Variants in DOP1B observed in about 807,000 individuals in gnomAD.
DOP1B encodes DOP1 leucine zipper like protein B, also known as protein DOP1B.
In DOP1B, 174 loss-of-function variants were observed where a neutral mutation model predicts 233.5. The ratio of observed to expected loss-of-function variants is 0.75; its 90% CI spans 0.66 to 0.85. The LOEUF (loss-of-function observed/expected upper bound fraction) is 0.85, where lower values mean the gene tolerates loss of function less well. Among genes scored for constraint, DOP1B ranks in the 40% least tolerant of loss-of-function variants. DOP1B has a pLI of 0.00. For synonymous variants in DOP1B, 1,190 were observed against 1,185.6 expected (o/e 1.00, Z -0.08); for missense variants, 2,652 against 2,846.6 (o/e 0.93, Z 1.56).
At chr21:36,226,537 G>A (rs532425890) in intron 12 of DOP1B, among the ~76,000 whole-genome samples, 42 of 152,056 alleles carry the variant, frequency 2.8e-4, no homozygotes, top group African/African-American at 9.9e-4. Flanking sequence ...GACCTCAGGC[G>A]ATCCACCAGC....
At chr21:36,283,417 C>T (rs1015710363) in intron 32 of DOP1B, among the ~76,000 whole-genome samples, 12 of 124,096 alleles carry the variant, frequency 9.7e-5, no homozygotes, top group East Asian at 9.5e-4. Flanking sequence ...GCATTAACAG[C>T]GTTGACTCGT....
Position 36,281,563 on chromosome 21 carries a change from T to G in DOP1B, c.6112T>G (p.Phe2038Val). The G allele has an allele frequency of 6.2e-7, 1 of 1,609,728 alleles. No individual in the cohort carries two copies. The highest frequency in any genetic ancestry group is 8.5e-7 in the Non-Finnish European group (1 of 1,176,332). ...MLLKRQAFAV[F>V]SGELDQYHLY... ...GTTAAAGCGCCAGGCTTTTGCTGTCTTCAGTGGAGAACTTGATCAATACCA... is the reference window on the plus strand; with the variant it reads ...GTTAAAGCGCCAGGCTTTTGCTGTCGTCAGTGGAGAACTTGATCAATACCA... Residue 2038 changes from phenylalanine to valine, a missense_variant, in exon 32 of 37, where the codon TTC becomes GTC. Around this residue, in one of 3 missense-constraint regions of DOP1B, gnomAD observed 2,617 missense variants for 2,794.3 expected, o/e 0.94. Coordinates refer to ENST00000691173, the MANE Select transcript of DOP1B (RefSeq NM_001320714.2).
chr21:36,248,623 C>T, intron 21 of DOP1B, 55 bp downstream of exon 21: 4 of 1,510,272 alleles, frequency 2.6e-6, no homozygotes, highest in Non-Finnish European at 3.6e-6. Flanking sequence ...TTGTTCCACC[C>T]AAAATAAATG....
intron 2 of DOP1B, among the ~76,000 whole-genome samples, chr21:36,186,296 C>A (rs958322322): frequency 2.6e-5 from 4 of 152,028 alleles, no homozygotes; most frequent in African/African-American, 9.7e-5. Context: ...GGCTGACAGG[C>A]CCTATTGCTC....
chr21:36,177,020 C>T (rs1370925432), intron 2 of DOP1B, among the ~76,000 whole-genome samples: 5 of 152,152 alleles, frequency 3.3e-5, no homozygotes, highest in Non-Finnish European at 4.4e-5. Context: ...CAGGGTTTCG[C>T]CAGACTGGTC....
In DOP1B at chr21:36,250,367, G is replaced by A. The variant is rs139686366; in HGVS notation, c.4999-795G>A. Among the ~76,000 whole-genome samples the A allele has an allele frequency of 4.7e-3, 723 of 152,330 alleles. 5 individuals are homozygous for A. Among genetic ancestry groups the A allele is most frequent in the African/African-American group, 0.016 (669 of 41,580 alleles). The stretch of plus-strand genomic sequence containing the variant: ...GGTGGACAAGAGAGATGAAGTCCCT[G>A]CCCCTGTGGCAGAGGCAGACATTAA... On this transcript the variant is annotated intron_variant, in intron 21 of 36. Transcript: ENST00000691173.
At chr21:36,197,308 A>G (rs1423241131) in intron 2 of DOP1B, among the ~76,000 whole-genome samples, 1 of 152,158 alleles carries the variant, frequency 6.6e-6, no homozygotes, top group Non-Finnish European at 1.5e-5. Context: ...GATGAAAAAT[A>G]TTCTTGTTTT....
At chr21:36,227,966 A>G in intron 13 of DOP1B, 89 bp downstream of exon 13, 2 of 1,303,150 alleles carry the variant, frequency 1.5e-6, no homozygotes, top group South Asian at 3.3e-5. Context: ...GTTGGTTAGG[A>G]TAGGAATAAA....
At chr21:36,157,139 G>GCGGGGGCGGAGAGCT (rs1233778912) in intron 1 of DOP1B, among the ~76,000 whole-genome samples, 196 bp downstream of exon 1, 2 of 152,096 alleles carry the variant, frequency 1.3e-5, no homozygotes, top group African/African-American at 2.4e-5. Flanking sequence ...CTGCTGCAGT[G>GCGGGGGCGGAGAGCT]CGGGGGCGGA....
At chr21:36,240,380 T>G (rs2066879746) in intron 18 of DOP1B, among the ~76,000 whole-genome samples, 1 of 152,110 alleles carries the variant, frequency 6.6e-6, no homozygotes, top group African/African-American at 2.4e-5. Flanking sequence ...CTCAGGAGGC[T>G]GAGGCAGGAG....
At chr21:36,208,692 A>G in intron 4 of DOP1B, 23 bp from the exon 5 acceptor site, 1 of 1,607,976 alleles carries the variant, frequency 6.2e-7, no homozygotes, top group Non-Finnish European at 8.5e-7. Flanking sequence ...GAGCCCTTGA[A>G]CCCTATCCTC....
intron 28 of DOP1B, 137 bp downstream of exon 28, chr21:36,277,237 T>A: frequency 1.2e-6 from 1 of 805,124 alleles, no homozygotes; most frequent in Non-Finnish European, 2.0e-6. Context: ...CAGGCAGCAT[T>A]GGCCTCAAGC....
At position 36,250,289 on chromosome 21, in the gene DOP1B, C is replaced by G. The variant is rs144067988; in HGVS notation, c.4999-873C>G. Reference sequence around the variant, plus strand: ...CAGGAAGCGCTGGGTAAATCCGTCTCTTCGACAGACATTTTGTGCCTGCTG... The same window carrying G: ...CAGGAAGCGCTGGGTAAATCCGTCTGTTCGACAGACATTTTGTGCCTGCTG... On this transcript the variant is annotated intron_variant, in intron 21 of 36. Transcript: ENST00000691173. Among the ~76,000 whole-genome samples, 643 of 152,320 alleles carry G rather than the reference C, an allele frequency of 4.2e-3. 7 individuals are homozygous for G. Among genetic ancestry groups the G allele is most frequent in the Non-Finnish European group, 5.4e-3 (365 of 68,024 alleles).
At chr21:36,206,260 C>G (rs374178456) in intron 4 of DOP1B, among the ~76,000 whole-genome samples, 61 of 152,154 alleles carry the variant, frequency 4.0e-4, no homozygotes, top group African/African-American at 1.4e-3. Flanking sequence ...TGGCTGGGCA[C>G]AGTGGCTCAC....
Position 36,267,172 on chromosome 21 carries a change from C to T in DOP1B, c.5488-2841C>T, listed in dbSNP as rs529938011. The stretch of plus-strand genomic sequence containing the variant: ...ATGACACTGGCTGAGAAGCCTGCTT[C>T]GAGTTTCTGTCTCTCCAGCTACTAA... On this transcript the variant is annotated intron_variant, in intron 26 of 36. Transcript: ENST00000691173. Among the ~76,000 whole-genome samples, 6 of 152,312 alleles carry T rather than the reference C, an allele frequency of 3.9e-5. No individual in the cohort carries two copies. The East Asian group carries it at 5.8e-4, about 15-fold the overall frequency.
chr21:36,158,233 G>C (rs2065838067), intron 1 of DOP1B, among the ~76,000 whole-genome samples: 1 of 152,188 alleles, frequency 6.6e-6, no homozygotes, highest in Non-Finnish European at 1.5e-5. Flanking sequence ...TTTATAGCCT[G>C]TATAACTGTC....
At chr21:36,211,174 T>C (rs541910548) in intron 5 of DOP1B, among the ~76,000 whole-genome samples, 25 of 152,364 alleles carry the variant, frequency 1.6e-4, no homozygotes, top group African/African-American at 6.0e-4. Flanking sequence ...AGTCTACCTA[T>C]CTGTATTCAG....
chr21:36,225,574 G>A lies in DOP1B; in HGVS notation c.1380G>A (p.Lys460=), dbSNP rs943426015. ...TTGCTGTGATTTATAGACCAGTGAA[G>A]CAGCGTTACAGCGTGAGGAACAGCG... is the stretch of plus-strand genomic sequence containing the variant. ...RCFEECFRPV[K]QRYSVRNSVS... Residue 460 remains lysine (K), a synonymous_variant, in exon 12 of 37, where the codon AAG becomes AAA. Transcript: ENST00000691173. The A allele has an allele frequency of 4.3e-6, 7 of 1,613,978 alleles. No homozygotes were observed. In the African/African-American group the frequency reaches 6.7e-5, roughly 15 times the overall value.
rs748465986 is a variant in DOP1B, at chr21:36,269,988, TC to T, written c.5488-20del. On this transcript the variant is annotated intron_variant, in intron 26 of 36. Transcript: ENST00000691173. Reference sequence around the variant, plus strand: ...ATTCTTTTCCTTAATTAACTTCCTTTCCCCCTCCTCCTGATAATTCTCAGGA... The same window carrying T: ...ATTCTTTTCCTTAATTAACTTCCTTTCCCCTCCTCCTGATAATTCTCAGGA... 20 of 1,612,740 alleles carry T rather than the reference TC, an allele frequency of 1.2e-5. No homozygotes were observed. In the East Asian group the frequency reaches 4.5e-4, roughly 36 times the overall value.
Sources: allele counts gnomAD v4.1 joint callset (sites outside exome capture counted in the v4.1 genomes callset), GRCh38; gene constraint gnomAD v4.1.1; regional missense constraint gnomAD v4.1.1; transcripts MANE v1.5; gene names NCBI Gene and HGNC (gene_info 2026-07-23, HGNC 2026-07-21).